Variants in SLC38A10 observed in about 807,000 individuals in gnomAD.
The protein encoded by SLC38A10 is solute carrier family 38 member 10, also known as Sodium-coupled neutral amino acid transporter 10.
A neutral mutation model predicts 81.0 loss-of-function variants in SLC38A10; 53 were observed. The ratio of observed to expected loss-of-function variants is 0.65; its 90% CI spans 0.53 to 0.82. The LOEUF is 0.82. Ranked by LOEUF, SLC38A10 falls within the 40% of genes least tolerant of loss-of-function variation. The probability of loss-of-function intolerance (pLI) is 0.00; values close to 1 mark genes in which losing one functional copy is unlikely to be tolerated. For synonymous variants in SLC38A10, 665 were observed against 655.3 expected (o/e 1.01, Z -0.23); for missense variants, 1,471 against 1,545.0 (o/e 0.95, Z 0.80).
At chr17:81,284,119 A>G (rs1235895555) in intron 3 of SLC38A10, among the ~76,000 whole-genome samples, 1 of 151,794 alleles carries the variant, frequency 6.6e-6, no homozygotes, top group Non-Finnish European at 1.5e-5. Flanking sequence ...GCACTTTGGG[A>G]GGCCGAGGCA....
intron 13 of SLC38A10, 35 bp from the exon 14 acceptor site, chr17:81,251,647 G>A: frequency 6.8e-7 from 1 of 1,465,950 alleles, no homozygotes; most frequent in Non-Finnish European, 8.9e-7. Flanking sequence ...AGGTTTTGCA[G>A]GAAAGTCAAG....
At chr17:81,268,749 A>T (rs1264227896) in intron 10 of SLC38A10, among the ~76,000 whole-genome samples, 2 of 151,422 alleles carry the variant, frequency 1.3e-5, no homozygotes, top group East Asian at 3.8e-4. Flanking sequence ...CAGAAAAAGG[A>T]CATATGAGAC....
chr17:81,246,654 G>A lies in SLC38A10; in HGVS notation c.2262C>T (p.Pro754=), dbSNP rs773689052. The change falls in exon 16 of 16, where the codon CCC becomes CCT. Residue 754 remains proline (P), a synonymous_variant. Coordinates refer to ENST00000374759, the MANE Select transcript of SLC38A10 (RefSeq NM_001037984.3). Reference sequence around the variant, plus strand: ...CCTGGCCTCTGGGCACCGCTGCCCCGGGCTCTTGATGCACCTCCACTGCAA... The same window carrying A: ...CCTGGCCTCTGGGCACCGCTGCCCCAGGCTCTTGATGCACCTCCACTGCAA... ...KPRQVEVHQE[P]GAAVPRGQEA... is the part of the protein sequence containing the mutation. 1.6e-5 allele frequency: 24 copies of A among 1,508,266 alleles called. 1 individual carries two copies. The highest frequency in any genetic ancestry group is 1.8e-4 in the Middle Eastern group (1 of 5,588). 93.4% of individuals were successfully genotyped at this position (1,508,266 alleles called of 1,614,324 possible).
Position 81,252,561 on chromosome 17 carries a change from C to T in SLC38A10, c.1579G>A (p.Ala527Thr), listed in dbSNP as rs201582210. The change falls in exon 13 of 16, where the codon GCG (alanine) becomes ACG (threonine). Residue 527 changes from alanine to threonine, a missense_variant. Around this residue, in one of 2 missense-constraint regions of SLC38A10, gnomAD observed 720 missense variants for 827.7 expected, o/e 0.87. Coordinates refer to ENST00000374759, the MANE Select transcript of SLC38A10 (RefSeq NM_001037984.3). The stretch of plus-strand genomic sequence containing the variant: ...TGGACCCCTGGAGCCTTTCCGCCCG[C>T]GTGTCTGGATGGAGGTTTGTTCTCT... ...PEENKPPSRH[A>T]GGKAPGVQGQ... 4 of 1,613,470 alleles carry T rather than the reference C, an allele frequency of 2.5e-6. No homozygotes were observed. Among genetic ancestry groups the T allele is most frequent in the African/African-American group, 2.7e-5 (2 of 75,068 alleles).
In SLC38A10 at chr17:81,282,099, C is replaced by T. The variant is rs537305158; in HGVS notation, c.501+90G>A. The T allele has an allele frequency of 4.1e-5, 65 of 1,574,698 alleles. 1 individual carries two copies. The Admixed American group carries it at 1.1e-3, about 26-fold the overall frequency. ...TCCCAGGAGGCAGCAGGCGGCCACA[C>T]CAGACCTGGGCACGAGCCTGCTGTG... On this transcript the variant is annotated intron_variant, in intron 5 of 15. Coordinates refer to ENST00000374759, the MANE Select transcript of SLC38A10 (RefSeq NM_001037984.3).
At chr17:81,293,375 T>C (rs1368648857) in intron 1 of SLC38A10, among the ~76,000 whole-genome samples, 2 of 152,252 alleles carry the variant, frequency 1.3e-5, no homozygotes, top group African/African-American at 4.8e-5. Flanking sequence ...TAGCCCTGTC[T>C]TCCCCTGACA....
At chr17:81,256,991 G>C (rs2062979063) in intron 11 of SLC38A10, among the ~76,000 whole-genome samples, 1 of 152,232 alleles carries the variant, frequency 6.6e-6, no homozygotes, top group Admixed American at 6.5e-5. Context: ...TGGGAGGCGG[G>C]AGAGGCTCCC....
At position 81,249,522 on chromosome 17, in the gene SLC38A10, G is replaced by T. The variant is rs181299984; in HGVS notation, c.2065+1971C>A. Among the ~76,000 whole-genome samples, 302 of 132,280 alleles carry T rather than the reference G, an allele frequency of 2.3e-3. 4 individuals are homozygous for T. The highest frequency in any genetic ancestry group is 3.7e-3 in the Admixed American group (50 of 13,530). 86.8% of individuals were successfully genotyped at this position (132,280 alleles called of 152,430 possible). On this transcript the variant is annotated intron_variant, in intron 14 of 15. Transcript: ENST00000374759. ...GAGAAGGAGGGAGGAGGGAAGAGGA[G>T]GGAGGAAGGAAGAGGAAGAGGAGGA...
chr17:81,272,282 T>G (rs2063123328), intron 9 of SLC38A10, among the ~76,000 whole-genome samples: 1 of 152,084 alleles, frequency 6.6e-6, no homozygotes, highest in South Asian at 2.1e-4. Context: ...TCCACCCACC[T>G]CAACCTCCCA....
intron 1 of SLC38A10, among the ~76,000 whole-genome samples, chr17:81,292,868 G>A (rs1443672908): frequency 2.0e-5 from 3 of 152,230 alleles, no homozygotes; most frequent in Non-Finnish European, 2.9e-5. Flanking sequence ...TTGGGGCCAG[G>A]CACGGTGGCT....
chr17:81,276,641 C>T lies in SLC38A10; in HGVS notation c.729+390G>A, dbSNP rs2063165102. ...TCCTGACCTCATGATCTGCCCACCT[C>T]GGTCTCCCAAAGTGCTGGGATTACA... On this transcript the variant is annotated intron_variant, in intron 7 of 15. Coordinates refer to ENST00000374759, the MANE Select transcript of SLC38A10 (RefSeq NM_001037984.3). The surrounding 1 kb of genome is among the most constrained non-coding windows in gnomAD (Gnocchi z 4.7). Among the ~76,000 whole-genome samples, 1 of 152,148 alleles carries T rather than the reference C, an allele frequency of 6.6e-6. No individual in the cohort carries two copies. The highest frequency in any genetic ancestry group is 1.9e-4 in the East Asian group (1 of 5,188).
At chr17:81,269,107 G>A (rs2063093544) in intron 10 of SLC38A10, among the ~76,000 whole-genome samples, 1 of 152,090 alleles carries the variant, frequency 6.6e-6, no homozygotes, top group Admixed American at 6.5e-5. Context: ...CTAATAACAT[G>A]GCTTCAAACT....
intron 11 of SLC38A10, among the ~76,000 whole-genome samples, chr17:81,258,628 A>G (rs1011833391): frequency 9.2e-5 from 14 of 151,948 alleles, no homozygotes; most frequent in African/African-American, 3.1e-4. Flanking sequence ...GTCTCAGCAC[A>G]CTGGACTCTA....
intron 10 of SLC38A10, among the ~76,000 whole-genome samples, chr17:81,262,757 C>T (rs923786715): frequency 2.0e-5 from 3 of 152,258 alleles, no homozygotes; most frequent in Non-Finnish European, 1.5e-5. Flanking sequence ...CCGGCCCCTC[C>T]AGGCCTCAAA....
Position 81,246,306 on chromosome 17 carries a change from T to C in SLC38A10, c.2610A>G (p.Pro870=). 3 of 1,611,202 alleles carry C rather than the reference T, an allele frequency of 1.9e-6. No individual in the cohort carries two copies. The highest frequency in any genetic ancestry group is 1.1e-5 in the South Asian group (1 of 91,082). The stretch of plus-strand genomic sequence containing the variant: ...GGAATTCCTCTGCGAGGCGCTCCTC[T>C]GGGCCCCCGGCTTCCCTGGCGGGGT... ...VPDPAREAGG[P]EERLAEEFPG... Residue 870 remains proline (P), a synonymous_variant, in exon 16 of 16, where the codon CCA becomes CCG. Transcript: ENST00000374759.
intron 14 of SLC38A10, among the ~76,000 whole-genome samples, chr17:81,249,765 C>T (rs1020315978): frequency 6.6e-6 from 1 of 152,098 alleles, no homozygotes; most frequent in Non-Finnish European, 1.5e-5. Context: ...AGCGTCCCCC[C>T]TTGGCTGGTG....
At chr17:81,251,639 GT>G in intron 13 of SLC38A10, 27 bp from the exon 14 acceptor site, 1 of 1,467,310 alleles carries the variant, frequency 6.8e-7, no homozygotes, top group Non-Finnish European at 8.9e-7. Context: ...GACTCAGAAG[GT>G]TTTGCAGGAA....
At chr17:81,251,320 GC>G in intron 14 of SLC38A10, 172 bp downstream of exon 14, 5 of 1,613,004 alleles carry the variant, frequency 3.1e-6, no homozygotes, top group Non-Finnish European at 4.2e-6. Flanking sequence ...AAAGCAAGCT[GC>G]TGATGGGAAG....
rs373226016 is a variant in SLC38A10, at chr17:81,261,009, C to T, written c.1132-615G>A. Among the ~76,000 whole-genome samples the T allele has an allele frequency of 6.6e-5, 10 of 152,368 alleles. No homozygotes were observed. In the East Asian group the frequency reaches 1.2e-3, roughly 18 times the overall value. Reference sequence around the variant, plus strand: ...TCACAGCTGGCACCATGCATGGGCACGGGGGACAGAAATGGCCTTCGCCTC... The same window carrying T: ...TCACAGCTGGCACCATGCATGGGCATGGGGGACAGAAATGGCCTTCGCCTC... On this transcript the variant is annotated intron_variant, in intron 10 of 15. Coordinates refer to ENST00000374759, the MANE Select transcript of SLC38A10 (RefSeq NM_001037984.3).
Sources: gnomAD v4.1 joint callset for allele counts (sites outside exome capture counted in the v4.1 genomes callset) on GRCh38, gnomAD v4.1.1 for gene constraint, gnomAD v4.1.1 regional missense constraint, Gnocchi (gnomAD v3.1) non-coding constraint, MANE v1.5 for transcripts, NCBI Gene and HGNC (gene_info 2026-07-23, HGNC 2026-07-21) for gene names.